Variants in TLK1 observed in about 807,000 individuals in gnomAD.
The protein encoded by TLK1 is tousled like kinase 1.
A neutral mutation model predicts 105.3 loss-of-function variants in TLK1; 24 were observed. The ratio of observed to expected loss-of-function variants is 0.23; its 90% CI spans 0.17 to 0.32. The LOEUF is 0.32. TLK1 is among the 10% of genes least tolerant of loss of function. TLK1 has a pLI of 1.00. For synonymous variants in TLK1, 321 were observed against 310.4 expected, an observed-to-expected ratio of 1.03 and a Z score of -0.36; for missense variants, 558 against 910.5, an observed-to-expected ratio of 0.61 and a Z score of 4.98.
At chr2:171,218,495 T>G (rs111483040) in intron 1 of TLK1, among the ~76,000 whole-genome samples, 154 of 152,264 alleles carry the variant, frequency 1.0e-3, no homozygotes, top group Middle Eastern at 3.4e-3. Context: ...ACTTAAAAAG[T>G]TGGTGTCTTA....
At chr2:171,225,078 C>T (rs951895238) in intron 1 of TLK1, among the ~76,000 whole-genome samples, 1 of 152,018 alleles carries the variant, frequency 6.6e-6, no homozygotes, top group Non-Finnish European at 1.5e-5. Flanking sequence ...AATCAAATAT[C>T]TCAAGGCAGG....
At chr2:171,118,948 T>C (rs565218494) in intron 1 of TLK1, among the ~76,000 whole-genome samples, 28 of 152,304 alleles carry the variant, frequency 1.8e-4, no homozygotes, top group South Asian at 6.2e-4. Flanking sequence ...TCCCTGTACC[T>C]GAAAATACAC....
intron 1 of TLK1, among the ~76,000 whole-genome samples, chr2:171,182,227 T>G (rs1575649285): frequency 6.6e-6 from 1 of 152,332 alleles, no homozygotes; most frequent in African/African-American, 2.4e-5. Context: ...GGATGCTAAT[T>G]TAGTGGGTGA....
At chr2:171,050,392 T>G (rs2105430096) in intron 8 of TLK1, among the ~76,000 whole-genome samples, 1 of 152,142 alleles carries the variant, frequency 6.6e-6, no homozygotes. Context: ...GAAATTTGTA[T>G]CCATATCCAT....
chr2:171,202,023 G>A (rs1038542888), intron 1 of TLK1, among the ~76,000 whole-genome samples: 7 of 152,170 alleles, frequency 4.6e-5, no homozygotes, highest in African/African-American at 1.7e-4. Context: ...GTAGAAACGA[G>A]TTGGGGACTG....
chr2:171,188,844 C>T (rs1160619042), intron 1 of TLK1, among the ~76,000 whole-genome samples: 1 of 150,594 alleles, frequency 6.6e-6, no homozygotes, highest in Non-Finnish European at 1.5e-5. Flanking sequence ...CACTGCACTC[C>T]AGCCTAGGCG....
At chr2:171,217,501 G>A (rs1417627625) in intron 1 of TLK1, among the ~76,000 whole-genome samples, 3 of 152,130 alleles carry the variant, frequency 2.0e-5, no homozygotes, top group Non-Finnish European at 4.4e-5. Context: ...GCCCCCCTCT[G>A]GTGGAGGCGC....
chr2:171,066,327 T>C (rs1383802142), intron 3 of TLK1, among the ~76,000 whole-genome samples: 1 of 152,196 alleles, frequency 6.6e-6, no homozygotes, highest in East Asian at 1.9e-4. Context: ...ATTTGGAGTG[T>C]AGTATATTTT....
At chr2:171,088,764 CA>C (rs1346645674) in intron 2 of TLK1, among the ~76,000 whole-genome samples, 1 of 152,106 alleles carries the variant, frequency 6.6e-6, no homozygotes, top group East Asian at 1.9e-4. Flanking sequence ...ACACTAAAAA[CA>C]AAGTGGGAGG....
chr2:171,071,533 T>C (rs1003526389), intron 3 of TLK1, among the ~76,000 whole-genome samples: 3 of 152,140 alleles, frequency 2.0e-5, no homozygotes, highest in African/African-American at 7.2e-5. Context: ...GTGATCTGCC[T>C]GCCTCTGCCT....
intron 3 of TLK1, among the ~76,000 whole-genome samples, chr2:171,074,126 G>A (rs1238744330): frequency 6.6e-6 from 1 of 152,064 alleles, no homozygotes; most frequent in Non-Finnish European, 1.5e-5. Flanking sequence ...CCTGACCTCA[G>A]GTGATCTGCT....
chr2:171,013,095 C>G (rs559922759), intron 13 of TLK1, among the ~76,000 whole-genome samples: 1 of 151,808 alleles, frequency 6.6e-6, no homozygotes, highest in Non-Finnish European at 1.5e-5. Flanking sequence ...GTGGCGCAAC[C>G]TCCGCCTCCC....
At chr2:171,029,533 T>C (rs1193627184) in intron 11 of TLK1, among the ~76,000 whole-genome samples, 2 of 152,146 alleles carry the variant, frequency 1.3e-5, no homozygotes, top group African/African-American at 2.4e-5. Context: ...CTTGCTTTAG[T>C]GTCCAGGTTG....
At chr2:171,095,810 T>A (rs1689429348) in intron 2 of TLK1, among the ~76,000 whole-genome samples, 1 of 151,932 alleles carries the variant, frequency 6.6e-6, no homozygotes, top group Non-Finnish European at 1.5e-5. Flanking sequence ...AAAAAAAAAC[T>A]TTCAACATCC....
intron 13 of TLK1, among the ~76,000 whole-genome samples, chr2:171,014,503 G>A (rs1433300593): frequency 2.0e-5 from 3 of 152,042 alleles, no homozygotes; most frequent in Non-Finnish European, 2.9e-5. Flanking sequence ...CCTGGCTAGG[G>A]ACTACTATTT....
intron 2 of TLK1, among the ~76,000 whole-genome samples, chr2:171,116,868 G>T (rs934418194): frequency 1.3e-5 from 2 of 152,132 alleles, no homozygotes; most frequent in African/African-American, 4.8e-5. Flanking sequence ...CAACTGTTCT[G>T]AATAGCAACC....
At chr2:171,226,523 A>C (rs768460230) in intron 1 of TLK1, among the ~76,000 whole-genome samples, 1 of 152,192 alleles carries the variant, frequency 6.6e-6, no homozygotes, top group Non-Finnish European at 1.5e-5. Flanking sequence ...TGAGGACTCC[A>C]TGTCACTGTA....
At chr2:171,045,885 C>T in intron 11 of TLK1, 1 of 284,538 alleles carries the variant, frequency 3.5e-6, no homozygotes. Context: ...TAGAATAATC[C>T]AAAACTTTTA....
At chr2:171,006,102 T>C in intron 18 of TLK1, 45 bp downstream of exon 18, 1 of 1,461,476 alleles carries the variant, frequency 6.8e-7, no homozygotes, top group Non-Finnish European at 9.1e-7. Flanking sequence ...ATAAAAGCAC[T>C]GGGCACCAAT....
Sources: gnomAD v4.1 joint callset for allele counts (sites outside exome capture counted in the v4.1 genomes callset) on GRCh38, gnomAD v4.1.1 for gene constraint, MANE v1.5 for transcripts, NCBI Gene and HGNC (gene_info 2026-07-23, HGNC 2026-07-21) for gene names.